ACOX3: variants seen among roughly 807,000 people sequenced by gnomAD.
ACOX3 encodes the protein peroxisomal acyl-coenzyme A oxidase 3.
A neutral mutation model predicts 81.5 loss-of-function variants in ACOX3; 73 were observed. The ratio of observed to expected loss-of-function variants is 0.90; its 90% CI spans 0.74 to 1.09. The LOEUF (loss-of-function observed/expected upper bound fraction) is 1.09. ACOX3 is among the 50% of genes least tolerant of loss of function. The pLI, the probability that ACOX3 is intolerant of heterozygous loss-of-function variation, is 0.00. For synonymous variants in ACOX3, 387 were observed against 375.1 expected (o/e 1.03, Z -0.37); for missense variants, 947 against 928.0 (o/e 1.02, Z -0.27).
rs537439177 is a variant in ACOX3, at chr4:8,419,126, C to T, written c.-14-2591G>A. 2.6e-5 allele frequency among the ~76,000 whole-genome samples: 4 copies of T among 152,158 alleles called. No homozygotes were observed. In the East Asian group the frequency reaches 7.7e-4, roughly 29 times the overall value. ...GACCAGCCTGGGTGATACAGCAAGA[C>T]CTTATCTCTTAAAGAACCAGATAAA... On this transcript the variant is annotated intron_variant, in intron 1 of 17. Transcript: ENST00000356406. This position sits in a 1 kb window ranked among gnomAD's most constrained non-coding sequence, Gnocchi z 4.2.
rs1720792210 is a variant in ACOX3 at position 8,405,093 on chromosome 4, C to T, written c.776+862G>A. On this transcript the variant is annotated intron_variant, in intron 7 of 17. Coordinates refer to ENST00000356406, the MANE Select transcript of ACOX3 (RefSeq NM_003501.3). This position sits in a 1 kb window ranked among gnomAD's most constrained non-coding sequence, Gnocchi z 7.1. ...TACAGATGAGGAAATGCCAAGAAAG[C>T]TGGTCAAGGTGACACAAAGGGCCGG... is the stretch of plus-strand genomic sequence containing the variant. 6.6e-6 allele frequency among the ~76,000 whole-genome samples: 1 copy of T among 152,196 alleles called. No homozygotes were observed. Among genetic ancestry groups the T allele is most frequent in the African/African-American group, 2.4e-5 (1 of 41,448 alleles).
At chr4:8,401,274 G>A (rs1277316588) in intron 7 of ACOX3, among the ~76,000 whole-genome samples, 2 of 152,110 alleles carry the variant, frequency 1.3e-5, no homozygotes, top group East Asian at 3.8e-4. Context: ...CCACGGGGTT[G>A]GGGACCCCTG....
chr4:8,416,132 T>C lies in ACOX3; in HGVS notation c.145-133A>G. On this transcript the variant is annotated intron_variant, in intron 2 of 17. Transcript: ENST00000356406. The surrounding 1 kb of genome is among the most constrained non-coding windows in gnomAD (Gnocchi z 4.2). ...ACCCGGAGACACCCAGACAGAGATA[T>C]GACTATCATTCCCAATGGACTAGAG... 9.8e-7 allele frequency: 1 copy of C among 1,020,846 alleles called. No homozygotes were observed. The highest frequency in any genetic ancestry group is 1.5e-6 in the Non-Finnish European group (1 of 689,218). 63.2% of individuals were successfully genotyped at this position (1,020,846 alleles called of 1,614,324 possible).
intron 13 of ACOX3, among the ~76,000 whole-genome samples, chr4:8,387,361 G>A (rs921598480): frequency 6.6e-6 from 1 of 152,188 alleles, no homozygotes; most frequent in African/African-American, 2.4e-5. Context: ...GCAGCCTGGC[G>A]GGAGCTGACG....
At position 8,405,528 on chromosome 4, in the gene ACOX3, A is replaced by G. The variant is rs1720837275; in HGVS notation, c.776+427T>C. On this transcript the variant is annotated intron_variant, in intron 7 of 17. Transcript: ENST00000356406. This position sits in a 1 kb window ranked among gnomAD's most constrained non-coding sequence, Gnocchi z 7.1. ...TGCTGTGACACTGGGATTACCCGGA[A>G]AGGAGCAAGCCTACTCTGGAGGCAG... Among the ~76,000 whole-genome samples the G allele has an allele frequency of 6.6e-6, 1 of 152,232 alleles. No individual in the cohort carries two copies. Among genetic ancestry groups the G allele is most frequent in the South Asian group, 2.1e-4 (1 of 4,834 alleles).
intron 14 of ACOX3, among the ~76,000 whole-genome samples, chr4:8,377,241 T>C (rs3796750): frequency 0.2 from 29,929 of 152,068 alleles, 2,981 homozygotes; most frequent in East Asian, 0.27. Context: ...CGAATCTGAG[T>C]GAGCCCTGTG....
chr4:8,362,258 T>C (rs1276087149), downstream of ACOX3, among the ~76,000 whole-genome samples: 2 of 152,238 alleles, frequency 1.3e-5, no homozygotes, highest in Admixed American at 6.5e-5. Context: ...GTTAACTAAA[T>C]TAACTGAACC....
In ACOX3 at chr4:8,394,782, C is replaced by T. The variant is rs770904501; in HGVS notation, c.1057-40G>A. ...ACACCTGCGTGAACACATCGTGGTT[C>T]CCATGAAGGGCAGCCCATCCCAGGG... is the stretch of plus-strand genomic sequence containing the variant. On this transcript the variant is annotated intron_variant, in intron 9 of 17. Transcript: ENST00000356406. This position sits in a 1 kb window ranked among gnomAD's most constrained non-coding sequence, Gnocchi z 5.9. 2.5e-6 allele frequency: 4 copies of T among 1,593,450 alleles called. No individual in the cohort carries two copies. Among genetic ancestry groups the T allele is most frequent in the Non-Finnish European group, 3.4e-6 (4 of 1,166,984 alleles).
Position 8,415,976 on chromosome 4 carries a change from C to G in ACOX3, c.168G>C (p.Glu56Asp). 6.2e-7 allele frequency: 1 copy of G among 1,614,146 alleles called. No homozygotes were observed. Among genetic ancestry groups the G allele is most frequent in the South Asian group, 1.1e-5 (1 of 91,048 alleles). ...GGGAACGAGCGAAAAGAGGGTCATT[C>G]TCAAGAGCTGAGAAGATGGTTTTCT... Reference protein sequence around the residue: ...RFKKTIFSALENDPLFARSPG... With the variant: ...RFKKTIFSALDNDPLFARSPG... The change falls in exon 3 of 18, where the codon GAG (glutamate) becomes GAC (aspartate). Residue 56 changes from glutamate to aspartate, a missense_variant. Glu to Asp is a conservative substitution (Grantham distance 45). Transcript: ENST00000356406.
chr4:8,373,734 G>T, intron 15 of ACOX3, 106 bp from the exon 16 acceptor site: 1 of 1,018,240 alleles, frequency 9.8e-7, no homozygotes, highest in South Asian at 1.4e-5. Flanking sequence ...TAGGAGGCCT[G>T]TTTTGGGTGA....
chr4:8,403,554 C>A (rs1326678005), intron 7 of ACOX3, among the ~76,000 whole-genome samples: 2 of 152,212 alleles, frequency 1.3e-5, no homozygotes, highest in African/African-American at 4.8e-5. Context: ...GCTCTGGGGG[C>A]TCAGTGACCT....
chr4:8,389,102 G>T lies in ACOX3; in HGVS notation c.1537+71C>A. 1.5e-6 allele frequency: 2 copies of T among 1,324,268 alleles called. No homozygotes were observed. The highest frequency in any genetic ancestry group is 2.1e-6 in the Non-Finnish European group (2 of 931,104). 82.0% of individuals were successfully genotyped at this position (1,324,268 alleles called of 1,614,324 possible). A position where few individuals can be genotyped will look rare whatever the true frequency, so the allele number is the denominator to read the frequency against. ...AACTGCCAAGGGTCCCCTCACCGAG[G>T]CACGGTGCGTTTCCTGGTGGGAATG... is the stretch of plus-strand genomic sequence containing the variant. On this transcript the variant is annotated intron_variant, in intron 13 of 17. Coordinates refer to ENST00000356406, the MANE Select transcript of ACOX3 (RefSeq NM_003501.3). The surrounding 1 kb of genome is among the most constrained non-coding windows in gnomAD (Gnocchi z 5.3).
At position 8,397,138 on chromosome 4, in the gene ACOX3, T is replaced by C; in HGVS notation, c.874-19A>G. 6.5e-7 allele frequency: 1 copy of C among 1,533,370 alleles called. No individual in the cohort carries two copies. Among genetic ancestry groups the C allele is most frequent in the Non-Finnish European group, 8.7e-7 (1 of 1,144,640 alleles). 95.0% of individuals were successfully genotyped at this position (1,533,370 alleles called of 1,614,324 possible). A position where few individuals can be genotyped will look rare whatever the true frequency, so the allele number is the denominator to read the frequency against. On this transcript the variant is annotated intron_variant, in intron 8 of 17. Transcript: ENST00000356406. ...TGACGTCCTACGGGAGGGACACAGA[T>C]GATAAGCTCAAGCCCGGCTGCGCGG...
intron 1 of ACOX3, among the ~76,000 whole-genome samples, chr4:8,418,135 C>T (rs1381073751): frequency 2.0e-5 from 3 of 152,190 alleles, no homozygotes; most frequent in Non-Finnish European, 4.4e-5. Flanking sequence ...TTCCCAAAAA[C>T]AGAAGAGAAG....
chr4:8,401,250 G>A (rs1221137901), intron 7 of ACOX3, among the ~76,000 whole-genome samples: 2 of 152,096 alleles, frequency 1.3e-5, no homozygotes, highest in Admixed American at 6.5e-5. Context: ...TTCCTAACAG[G>A]CCACAGACTA....
chr4:8,418,553 C>T (rs1020220658), intron 1 of ACOX3, among the ~76,000 whole-genome samples: 8 of 151,694 alleles, frequency 5.3e-5, no homozygotes, highest in Non-Finnish European at 7.4e-5. Flanking sequence ...GACATTTCTC[C>T]AAAGACAGAC....
At chr4:8,401,594 T>C (rs1720381371) in intron 7 of ACOX3, among the ~76,000 whole-genome samples, 2 of 152,192 alleles carry the variant, frequency 1.3e-5, no homozygotes, top group South Asian at 2.1e-4. Context: ...CCATCCTCCC[T>C]GTGGGAGCTG....
Position 8,375,167 on chromosome 4 carries a change from G to C in ACOX3, c.1654-15C>G. 3.9e-6 allele frequency: 6 copies of C among 1,520,626 alleles called. No homozygotes were observed. The highest frequency in any genetic ancestry group is 5.3e-6 in the Non-Finnish European group (6 of 1,126,148). 94.2% of individuals were successfully genotyped at this position (1,520,626 alleles called of 1,614,324 possible). A position where few individuals can be genotyped will look rare whatever the true frequency, so the allele number is the denominator to read the frequency against. On this transcript the variant is annotated splice_polypyrimidine_tract_variant and intron_variant, in intron 14 of 17. Transcript: ENST00000356406. ...CCGTGGGACACCTGGAACACAGGAC[G>C]GCACCGTGAGGACCGTGAGGGTCCC...
chr4:8,409,847 C>G (rs1477674199), intron 6 of ACOX3, among the ~76,000 whole-genome samples: 2 of 149,944 alleles, frequency 1.3e-5, no homozygotes, highest in Non-Finnish European at 3.0e-5. Flanking sequence ...GTGGGCAGAG[C>G]TGTCTGTGCG....
Sources: allele counts gnomAD v4.1 joint callset (sites outside exome capture counted in the v4.1 genomes callset), GRCh38; gene constraint gnomAD v4.1.1; non-coding constraint Gnocchi (gnomAD v3.1); transcripts MANE v1.5; gene names NCBI Gene and HGNC (gene_info 2026-07-23, HGNC 2026-07-21).